Variants in PLCG2 observed in about 807,000 individuals in gnomAD.
The protein encoded by PLCG2 is 1-phosphatidylinositol 4,5-bisphosphate phosphodiesterase gamma-2.
Under a neutral mutation model 175.6 loss-of-function variants are expected in PLCG2, and 69 were observed. The observed-to-expected ratio is 0.39, with a 90% CI of 0.32 to 0.48. The LOEUF is 0.48. Ranked by LOEUF, PLCG2 falls within the 20% of genes least tolerant of loss-of-function variation. The pLI is 0.91. For missense variants in PLCG2, 1,798 were observed against 1,650.9 expected, an observed-to-expected ratio of 1.09 and a Z score of -1.54; for synonymous variants, 827 against 624.0, an observed-to-expected ratio of 1.33 and a Z score of -4.85.
At chr16:81,765,553 C>T (rs540020130) in intron 2 of PLCG2, among the ~76,000 whole-genome samples, 1,883 of 150,842 alleles carry the variant, frequency 0.012, no homozygotes, top group Non-Finnish European at 0.02. Flanking sequence ...ATTGCTTGGA[C>T]CCGAGAAGCA....
At chr16:81,948,153 G>T (rs1249345153) in intron 31 of PLCG2, among the ~76,000 whole-genome samples, 2 of 152,048 alleles carry the variant, frequency 1.3e-5, no homozygotes, top group African/African-American at 4.8e-5. Context: ...TAGATATTTA[G>T]CAATGGAATA....
intron 13 of PLCG2, 103 bp downstream of exon 13, chr16:81,896,030 A>C: frequency 7.1e-7 from 1 of 1,414,756 alleles, no homozygotes; most frequent in Non-Finnish European, 9.8e-7. Flanking sequence ...ACCTCCCTCC[A>C]AATGCGGGAA....
intron 16 of PLCG2, 61 bp downstream of exon 16, chr16:81,907,835 T>G: frequency 8.0e-7 from 1 of 1,253,672 alleles, no homozygotes; most frequent in Non-Finnish European, 1.2e-6. Flanking sequence ...GACCAGCCAG[T>G]CCCCGGGACC....
At chr16:81,776,101 T>TTC (rs1555505213), upstream of PLCG2, among the ~76,000 whole-genome samples, 2 of 55,310 alleles carry the variant, frequency 3.6e-5, no homozygotes, top group African/African-American at 5.7e-5. Flanking sequence ...TTCTTTCTTT[T>TTC]TTTCCTTCTT....
At chr16:81,817,228 C>T (rs934862913) in intron 2 of PLCG2, among the ~76,000 whole-genome samples, 6 of 151,922 alleles carry the variant, frequency 3.9e-5, no homozygotes, top group Non-Finnish European at 5.9e-5. Flanking sequence ...GGCCGAGATC[C>T]GATGGGAAGA....
At chr16:81,840,958 G>C (rs1321530174) in intron 2 of PLCG2, among the ~76,000 whole-genome samples, 1 of 152,178 alleles carries the variant, frequency 6.6e-6, no homozygotes, top group Non-Finnish European at 1.5e-5. Context: ...GGGGAGAGAA[G>C]CACCAGTTTC....
chr16:81,825,081 A>T (rs193235250), intron 2 of PLCG2, among the ~76,000 whole-genome samples: 3 of 152,302 alleles, frequency 2.0e-5, no homozygotes, highest in African/African-American at 7.2e-5. Flanking sequence ...CAGAAGGAAC[A>T]CAGCCCTGCT....
At chr16:81,905,049 G>T (rs970817166) in intron 14 of PLCG2, among the ~76,000 whole-genome samples, 1 of 152,160 alleles carries the variant, frequency 6.6e-6, no homozygotes, top group African/African-American at 2.4e-5. Context: ...CACCATGCCC[G>T]GCTAATTTTT....
chr16:81,754,245 C>G (rs1909872722), intron 1 of PLCG2, among the ~76,000 whole-genome samples: 5 of 150,106 alleles, frequency 3.3e-5, no homozygotes, highest in Admixed American at 3.3e-4. Context: ...CCACCCATCC[C>G]CACCTCCTTC....
rs751126159 is a variant in PLCG2, at chr16:81,858,313, C to A, written c.388C>A (p.His130Asn). ...VNWLSGLKIL[H>N]QEAMNASTPT... is the part of the protein sequence containing the mutation. ...CTGGCTCTCTGGCTTGAAAATCTTA[C>A]ACCAGGAAGCGATGAATGCGTCCAC... The change falls in exon 4 of 33, where the codon CAC (histidine) becomes AAC (asparagine). Residue 130 changes from histidine (H) to asparagine (N), a missense_variant. Physicochemically the swap from His to Asn is moderately conservative, Grantham distance 68. Transcript: ENST00000564138. 2 of 1,614,072 alleles carry A rather than the reference C, an allele frequency of 1.2e-6. No homozygotes were observed. The highest frequency in any genetic ancestry group is 8.5e-7 in the Non-Finnish European group (1 of 1,179,922).
At chr16:81,807,613 A>G (rs1487903954) in intron 2 of PLCG2, among the ~76,000 whole-genome samples, 1 of 152,226 alleles carries the variant, frequency 6.6e-6, no homozygotes, top group Non-Finnish European at 1.5e-5. Context: ...TATGTGTTCA[A>G]TACGCATTAT....
intron 24 of PLCG2, 99 bp downstream of exon 24, chr16:81,928,723 T>TG: frequency 7.7e-6 from 6 of 779,476 alleles, no homozygotes. Flanking sequence ...CACAGGGTCC[T>TG]GTCTTGAATG....
chr16:81,808,120 T>G (rs1339779684), intron 2 of PLCG2, among the ~76,000 whole-genome samples: 1 of 152,242 alleles, frequency 6.6e-6, no homozygotes, highest in Admixed American at 6.5e-5. Context: ...CAGGATTTTG[T>G]GTAGATGTGT....
chr16:81,802,320 G>T lies in PLCG2; in HGVS notation c.193+16138G>T, dbSNP rs796702172. On this transcript the variant is annotated intron_variant, in intron 2 of 32. Coordinates refer to ENST00000564138, the MANE Select transcript of PLCG2 (RefSeq NM_002661.5). The stretch of plus-strand genomic sequence containing the variant: ...GTAGAGATGGGGTTTCACCGTGTTA[G>T]CCAGGATGGTCTCGATCTCCTGACC... 2.7e-5 allele frequency among the ~76,000 whole-genome samples: 4 copies of T among 150,498 alleles called. No individual in the cohort carries two copies. The South Asian group carries it at 8.4e-4, about 32-fold the overall frequency.
chr16:81,794,203 A>G (rs1911363602), intron 2 of PLCG2, among the ~76,000 whole-genome samples: 1 of 152,172 alleles, frequency 6.6e-6, no homozygotes, highest in South Asian at 2.1e-4. Context: ...GCTGTTGGGG[A>G]CAAGGGTGCC....
intron 2 of PLCG2, among the ~76,000 whole-genome samples, chr16:81,806,292 T>G (rs982168619): frequency 3.3e-5 from 5 of 152,064 alleles, no homozygotes; most frequent in African/African-American, 1.2e-4. Flanking sequence ...AAAGGCATTC[T>G]CCATGTGGCA....
At chr16:81,903,402 T>C (rs1909234019) in intron 14 of PLCG2, among the ~76,000 whole-genome samples, 1 of 152,166 alleles carries the variant, frequency 6.6e-6, no homozygotes. Context: ...GGTGCCCCCA[T>C]GGGTAAGAGC....
At chr16:81,852,807 G>T (rs1906484762) in intron 2 of PLCG2, among the ~76,000 whole-genome samples, 1 of 152,204 alleles carries the variant, frequency 6.6e-6, no homozygotes, top group South Asian at 2.1e-4. Context: ...GTCAGCTGGG[G>T]CAGCTCACTG....
chr16:81,877,878 G>A (rs1210730316), intron 7 of PLCG2, among the ~76,000 whole-genome samples: 2 of 146,816 alleles, frequency 1.4e-5, no homozygotes, highest in Admixed American at 1.4e-4. Flanking sequence ...TCCTTGGCTT[G>A]TAGATGTCAT....
Sources: allele counts gnomAD v4.1 joint callset (sites outside exome capture counted in the v4.1 genomes callset), GRCh38; gene constraint gnomAD v4.1.1; transcripts MANE v1.5; gene names NCBI Gene and HGNC (gene_info 2026-07-23, HGNC 2026-07-21).